The following FAM170B variants were observed in gnomAD, a reference collection of about 807,000 sequenced individuals.
The protein encoded by FAM170B is protein FAM170B.
Under a neutral mutation model 3.9 loss-of-function variants are expected in FAM170B, and 4 were observed. The ratio of observed to expected loss-of-function variants is 1.01; its 90% CI spans 0.50 to 2.32. The LOEUF (loss-of-function observed/expected upper bound fraction) is 2.32. FAM170B is among the 30% of genes most tolerant of loss of function. FAM170B has a pLI of 0.02. For missense variants in FAM170B, 417 were observed against 368.6 expected, an observed-to-expected ratio of 1.13 and a Z score of -1.07; for synonymous variants, 163 against 149.8, an observed-to-expected ratio of 1.09 and a Z score of -0.64.
chr10:49,132,402 C>T, intron 1 of FAM170B, 50 bp from the exon 2 acceptor site: 1 of 1,466,322 alleles, frequency 6.8e-7, no homozygotes, highest in Non-Finnish European at 9.0e-7. Flanking sequence ...GGATCAATGC[C>T]ACATCTACCT....
rs1173186606 is a variant in FAM170B, at chr10:49,131,747, T to C, written c.718A>G (p.Met240Val). The change falls in exon 2 of 2, where the codon ATG (methionine) becomes GTG (valine). Residue 240 changes from methionine (M) to valine (V), a missense_variant. Met to Val is a conservative substitution (Grantham distance 21). Transcript: ENST00000311787. ...GFSCQIFFEEMLERRRAQGQA... is the reference protein window; with the variant it reads ...GFSCQIFFEEVLERRRAQGQA... ...CCCTGAGCCCGCCTTCTCTCCAGCA[T>C]CTCCTCAAAAAAGATCTGACAGCTG... 4 of 1,551,472 alleles carry C rather than the reference T, an allele frequency of 2.6e-6. No homozygotes were observed. The South Asian group carries it at 3.6e-5, about 14-fold the overall frequency.
chr10:49,131,699 C>G lies in FAM170B; in HGVS notation c.766G>C (p.Glu256Gln), dbSNP rs747878070. The G allele has an allele frequency of 4.5e-6, 7 of 1,551,774 alleles. No individual in the cohort carries two copies. The South Asian group carries it at 8.3e-5, about 18-fold the overall frequency. ...TTGTCTGAAGGACTCTGCTCCTCCTCCAGCTGTTGGTCATGTGCTTGGCCC... is the reference window on the plus strand; with the variant it reads ...TTGTCTGAAGGACTCTGCTCCTCCTGCAGCTGTTGGTCATGTGCTTGGCCC... Reference protein sequence around the residue: ...AQGQAHDQQLEEEQSPSDNSE... With the variant: ...AQGQAHDQQLQEEQSPSDNSE... Residue 256 changes from glutamate (E) to glutamine (Q), a missense_variant, in exon 2 of 2, where the codon GAG becomes CAG. By Grantham distance (29) the Glu-to-Gln change is conservative. Coordinates refer to ENST00000311787, the MANE Select transcript of FAM170B (RefSeq NM_001164484.2).
At position 49,131,866 on chromosome 10, in the gene FAM170B, G is replaced by T. The variant is rs1167278418; in HGVS notation, c.599C>A (p.Thr200Asn). Residue 200 changes from threonine (T) to asparagine (N), a missense_variant, in exon 2 of 2, where the codon ACC (threonine) becomes AAC (asparagine). Thr to Asn is a moderately conservative substitution (Grantham distance 65). Transcript: ENST00000311787. ...LREPPDWLVT[T>N]NYGVRCVACC... ...GGCCACGCAGCGCACCCCGTAGTTG[G>T]TGGTGACCAGCCAGTCCGGCGGCTC... The T allele has an allele frequency of 6.5e-7, 1 of 1,546,290 alleles. No individual in the cohort carries two copies. Among genetic ancestry groups the T allele is most frequent in the Non-Finnish European group, 8.7e-7 (1 of 1,146,866 alleles).
Position 49,132,267 on chromosome 10 carries a change from C to G in FAM170B, c.198G>C (p.Arg66=), listed in dbSNP as rs1200548870. ...EEGLYFAARD[R]GMRDWSSSPS... ...GGGAGCTGCTCCAGTCCCGCATCCC[C>G]CGGTCCCTGGCAGCGAAGTAGAGGC... The change falls in exon 2 of 2, where the codon CGG becomes CGC. Residue 66 remains arginine, a synonymous_variant. Transcript: ENST00000311787. 6.4e-7 allele frequency: 1 copy of G among 1,551,388 alleles called. No homozygotes were observed. Among genetic ancestry groups the G allele is most frequent in the African/African-American group, 1.4e-5 (1 of 73,060 alleles).
At position 49,131,619 on chromosome 10, in the gene FAM170B, C is replaced by A; in HGVS notation, c.846G>T (p.Lys282Asn). 6.5e-7 allele frequency: 1 copy of A among 1,550,306 alleles called. No individual in the cohort carries two copies. The highest frequency in any genetic ancestry group is 1.7e-4 in the Middle Eastern group (1 of 5,982). ...TGGGTATCTCCCCTCTGGCTCACTG[C>A]TTCTCCTGCTGCTGTGCTGAGAGCA... ...GEVLSAQQQE[K>N]Q Residue 282 changes from lysine (K) to asparagine (N), a missense_variant, in exon 2 of 2, where the codon AAG (lysine) becomes AAT (asparagine). Coordinates refer to ENST00000311787, the MANE Select transcript of FAM170B (RefSeq NM_001164484.2).
rs1336928624 is a variant in FAM170B at position 49,132,282 on chromosome 10, G to C, written c.183C>G (p.Phe61Leu). Residue 61 changes from phenylalanine to leucine, a missense_variant, in exon 2 of 2, where the codon TTC becomes TTG. Transcript: ENST00000311787. ...PAIPREEGLY[F>L]AARDRGMRDW... ...CCCGCATCCCCCGGTCCCTGGCAGCGAAGTAGAGGCCCTCCTCCCGGGGAA... is the reference window on the plus strand; with the variant it reads ...CCCGCATCCCCCGGTCCCTGGCAGCCAAGTAGAGGCCCTCCTCCCGGGGAA... 6.4e-7 allele frequency: 1 copy of C among 1,551,392 alleles called. No individual in the cohort carries two copies. The highest frequency in any genetic ancestry group is 1.4e-5 in the African/African-American group (1 of 73,184).
In FAM170B at chr10:49,133,412, T is replaced by C. The variant is rs149809595; in HGVS notation, c.112+395A>G. On this transcript the variant is annotated intron_variant, in intron 1 of 1. Coordinates refer to ENST00000311787, the MANE Select transcript of FAM170B (RefSeq NM_001164484.2). Reference sequence around the variant, plus strand: ...GGGCCCCCAGAGCTGGTGTGACACTTAGGTGCTGCCCACAGACACGTCCCC... The same window carrying C: ...GGGCCCCCAGAGCTGGTGTGACACTCAGGTGCTGCCCACAGACACGTCCCC... Among the ~76,000 whole-genome samples, 664 of 152,316 alleles carry C rather than the reference T, an allele frequency of 4.4e-3. 6 individuals carry two copies. The highest frequency in any genetic ancestry group is 6.9e-3 in the Non-Finnish European group (469 of 68,024).
In FAM170B at chr10:49,132,346, A is replaced by G. The variant is rs548966442; in HGVS notation, c.119T>C (p.Ile40Thr). The change falls in exon 2 of 2, where the codon ATA becomes ACA. Residue 40 changes from isoleucine to threonine, a missense_variant. Physicochemically the swap from Ile to Thr is moderately conservative, Grantham distance 89. Transcript: ENST00000311787. ...ESVEVFWPGT[I>T]QREGSSPRPG... ...CCGTGGGGACGACCCTTCTCTCTGT[A>G]TAGTCCCTGAGAAGCAGAAGGACAT... 2.6e-6 allele frequency: 4 copies of G among 1,539,196 alleles called. No homozygotes were observed. Among genetic ancestry groups the G allele is most frequent in the East Asian group, 2.5e-5 (1 of 40,744 alleles).
chr10:49,133,964 G>A lies in FAM170B; in HGVS notation c.-46C>T. ...GGTGTCGGTGCTCCAGCTGTTCAGT[G>A]AGAGTTGGCTGGGGCTGTACTGAAG... On this transcript the variant is annotated 5_prime_UTR_variant, in exon 1 of 2. Transcript: ENST00000311787. The A allele has an allele frequency of 2.0e-6, 3 of 1,477,396 alleles. No individual in the cohort carries two copies. The highest frequency in any genetic ancestry group is 9.3e-7 in the Non-Finnish European group (1 of 1,079,138). 91.5% of individuals were successfully genotyped at this position (1,477,396 alleles called of 1,614,324 possible).
chr10:49,133,939 G>A lies in FAM170B; in HGVS notation c.-21C>T. On this transcript the variant is annotated 5_prime_UTR_variant, in exon 1 of 2. Coordinates refer to ENST00000311787, the MANE Select transcript of FAM170B (RefSeq NM_001164484.2). ...TTCATGATTTGAAATGAGTGCCCAG[G>A]GTGTCGGTGCTCCAGCTGTTCAGTG... 1 of 1,536,962 alleles carries A rather than the reference G, an allele frequency of 6.5e-7. No homozygotes were observed. Among genetic ancestry groups the A allele is most frequent in the Non-Finnish European group, 8.8e-7 (1 of 1,133,506 alleles).
chr10:49,132,354 T>C lies in FAM170B; in HGVS notation c.113-2A>G, dbSNP rs1460938408. ...ACGACCCTTCTCTCTGTATAGTCCC[T>C]GAGAAGCAGAAGGACATTGTCATCA... On this transcript the variant is annotated splice_acceptor_variant, in intron 1 of 1. Transcript: ENST00000311787. LOFTEE classifies it high-confidence loss of function. 5.2e-6 allele frequency: 8 copies of C among 1,529,790 alleles called. No homozygotes were observed. The African/African-American group carries it at 5.5e-5, about 11-fold the overall frequency. 94.8% of individuals were successfully genotyped at this position (1,529,790 alleles called of 1,614,324 possible).
chr10:49,133,628 C>T (rs1267120636), intron 1 of FAM170B, among the ~76,000 whole-genome samples, 179 bp downstream of exon 1: 1 of 152,110 alleles, frequency 6.6e-6, no homozygotes, highest in Non-Finnish European at 1.5e-5. Context: ...TCATAACAGC[C>T]TCAGTCACAC....
rs368576482 is a variant in FAM170B at position 49,132,135 on chromosome 10, G to A, written c.330C>T (p.Tyr110=). The A allele has an allele frequency of 3.7e-5, 57 of 1,551,628 alleles. 1 individual carries two copies. The highest frequency in any genetic ancestry group is 4.5e-5 in the Non-Finnish European group (52 of 1,146,974). The change falls in exon 2 of 2, where the codon TAC becomes TAT. Residue 110 remains tyrosine (Y), a synonymous_variant. Transcript: ENST00000311787. ...NAAPQSVCAF[Y]THVQTVRGVA... ...CACCCCGCACAGTCTGCACGTGCGT[G>A]TAGAAGGCACACACACTCTGCGGAG...
chr10:49,132,113 C>T lies in FAM170B; in HGVS notation c.352G>A (p.Gly118Ser). The T allele has an allele frequency of 6.4e-7, 1 of 1,551,788 alleles. No homozygotes were observed. ...AFYTHVQTVR[G>S]VAVAWETEAG... ...TCCGTCTCCCAGGCCACAGCCACAC[C>T]CCGCACAGTCTGCACGTGCGTGTAG... is the stretch of plus-strand genomic sequence containing the variant. Residue 118 changes from glycine to serine, a missense_variant, in exon 2 of 2, where the codon GGT becomes AGT. By Grantham distance (56) the Gly-to-Ser change is moderately conservative (BLOSUM62 0). Transcript: ENST00000311787.
Position 49,131,226 on chromosome 10 carries a change from G to T in FAM170B, c.*387C>A, listed in dbSNP as rs1845177463. On this transcript the variant is annotated 3_prime_UTR_variant, in exon 2 of 2. Transcript: ENST00000311787. Reference sequence around the variant, plus strand: ...GGGCATATGACAGATTTGTAATAGTGAAAAAAATAGGGCTGGAGAGTAATT... The same window carrying T: ...GGGCATATGACAGATTTGTAATAGTTAAAAAAATAGGGCTGGAGAGTAATT... 1 of 191,236 alleles carries T rather than the reference G, an allele frequency of 5.2e-6. No homozygotes were observed. The highest frequency in any genetic ancestry group is 1.5e-4 in the South Asian group (1 of 6,746). 11.8% of individuals were successfully genotyped at this position (191,236 alleles called of 1,614,324 possible).
Position 49,132,116 on chromosome 10 carries a change from G to A in FAM170B, c.349C>T (p.Arg117Trp), listed in dbSNP as rs866081998. ...GTCTCCCAGGCCACAGCCACACCCC[G>A]CACAGTCTGCACGTGCGTGTAGAAG... Reference protein sequence around the residue: ...CAFYTHVQTVRGVAVAWETEA... With the variant: ...CAFYTHVQTVWGVAVAWETEA... Residue 117 changes from arginine to tryptophan, a missense_variant, in exon 2 of 2, where the codon CGG (arginine) becomes TGG (tryptophan). Physicochemically the swap from Arg to Trp is moderately radical, Grantham distance 101. Coordinates refer to ENST00000311787, the MANE Select transcript of FAM170B (RefSeq NM_001164484.2). 3 of 1,551,764 alleles carry A rather than the reference G, an allele frequency of 1.9e-6. No individual in the cohort carries two copies. Among genetic ancestry groups the A allele is most frequent in the African/African-American group, 1.4e-5 (1 of 73,188 alleles).
chr10:49,132,196 G>T lies in FAM170B; in HGVS notation c.269C>A (p.Ser90Ter), dbSNP rs755058569. 3 of 1,551,606 alleles carry T rather than the reference G, an allele frequency of 1.9e-6. No individual in the cohort carries two copies. In the African/African-American group the frequency reaches 4.1e-5, roughly 21 times the overall value. Reference protein sequence around the residue: ...SEYQSYSQYQSCCSCMCDEDN... With the variant: ...SEYQSYSQYQ The stretch of plus-strand genomic sequence containing the variant: ...CTCATCGCACATGCAGGAGCAGCAC[G>T]ACTGGTACTGGGAGTAGGACTGGTA... Residue 90 changes from serine to a stop codon, truncating the protein, a stop_gained, in exon 2 of 2, where the codon TCG (serine) becomes TAG (stop). Coordinates refer to ENST00000311787, the MANE Select transcript of FAM170B (RefSeq NM_001164484.2). LOFTEE classifies it low-confidence loss of function (END_TRUNC).
At position 49,131,776 on chromosome 10, in the gene FAM170B, C is replaced by T; in HGVS notation, c.689G>A (p.Gly230Asp). The T allele has an allele frequency of 6.4e-7, 1 of 1,551,146 alleles. No homozygotes were observed. The highest frequency in any genetic ancestry group is 8.7e-7 in the Non-Finnish European group (1 of 1,147,004). The stretch of plus-strand genomic sequence containing the variant: ...CTCAAAAAAGATCTGACAGCTGAAG[C>T]CCTCCCGGATGCCATGCTGGGCGTG... ...LEHAQHGIREGFSCQIFFEEM... is the reference protein window; with the variant it reads ...LEHAQHGIREDFSCQIFFEEM... The change falls in exon 2 of 2, where the codon GGC (glycine) becomes GAC (aspartate). Residue 230 changes from glycine to aspartate, a missense_variant. Coordinates refer to ENST00000311787, the MANE Select transcript of FAM170B (RefSeq NM_001164484.2).
At position 49,131,600 on chromosome 10, in the gene FAM170B, T is replaced by C; in HGVS notation, c.*13A>G. 1.9e-6 allele frequency: 3 copies of C among 1,544,766 alleles called. No homozygotes were observed. The highest frequency in any genetic ancestry group is 2.6e-6 in the Non-Finnish European group (3 of 1,142,646). On this transcript the variant is annotated 3_prime_UTR_variant, in exon 2 of 2. Coordinates refer to ENST00000311787, the MANE Select transcript of FAM170B (RefSeq NM_001164484.2). ...CTGGAGGTGAGGGCAGGGTTGGGTATCTCCCCTCTGGCTCACTGCTTCTCC... is the reference window on the plus strand; with the variant it reads ...CTGGAGGTGAGGGCAGGGTTGGGTACCTCCCCTCTGGCTCACTGCTTCTCC...
Sources: gnomAD v4.1 joint callset for allele counts (sites outside exome capture counted in the v4.1 genomes callset) on GRCh38, gnomAD v4.1.1 for gene constraint, MANE v1.5 for transcripts, NCBI Gene and HGNC (gene_info 2026-07-23, HGNC 2026-07-21) for gene names.